SMIM36: variants seen among roughly 807,000 people sequenced by gnomAD.
SMIM36 encodes the protein small integral membrane protein 36.
At chr17:55,489,050 T>C (rs759257009) in intron 1 of SMIM36, among the ~76,000 whole-genome samples, 2 of 152,082 alleles carry the variant, frequency 1.3e-5, no homozygotes, top group African/African-American at 2.4e-5. Flanking sequence ...ACATGTACAA[T>C]AGGGAAACTG....
In SMIM36 at chr17:55,458,066, G is replaced by C. The variant is rs546959482; in HGVS notation, c.*532-7768C>G. ...TTTCTCCTTCCTACTTTACATTAAA[G>C]GGAGATGAATGCAATATATACTACT... On this transcript the variant is annotated intron_variant, in intron 4 of 4. Transcript: ENST00000636752. 2.6e-5 allele frequency among the ~76,000 whole-genome samples: 4 copies of C among 152,088 alleles called. No individual in the cohort carries two copies. The South Asian group carries it at 8.3e-4, about 32-fold the overall frequency.
the SMIM36 span, among the ~76,000 whole-genome samples, chr17:55,522,354 A>T: frequency 6.6e-6 from 1 of 152,204 alleles, no homozygotes; most frequent in African/African-American, 2.4e-5. Flanking sequence ...AACCTCCTGT[A>T]TTAGTGTGTT....
At chr17:55,492,196 C>T (rs1392044792) in intron 1 of SMIM36, among the ~76,000 whole-genome samples, 2 of 150,062 alleles carry the variant, frequency 1.3e-5, no homozygotes, top group Admixed American at 6.6e-5. Context: ...AGAGAGCAAA[C>T]TCCTCTTGAT....
At chr17:55,491,095 A>G (rs1336513658) in intron 1 of SMIM36, among the ~76,000 whole-genome samples, 1 of 151,928 alleles carries the variant, frequency 6.6e-6, no homozygotes, top group African/African-American at 2.4e-5. Context: ...TCTCTACAAA[A>G]CATTAGCCTG....
chr17:55,460,326 G>C (rs1473745388), intron 4 of SMIM36, among the ~76,000 whole-genome samples: 1 of 152,050 alleles, frequency 6.6e-6, no homozygotes. Flanking sequence ...TACTTGGGAG[G>C]CTGAGGCAGG....
chr17:55,453,311 G>GTAAATAAATAAA (rs1010533696), intron 4 of SMIM36, among the ~76,000 whole-genome samples: 1 of 151,980 alleles, frequency 6.6e-6, no homozygotes, highest in African/African-American at 2.4e-5. Context: ...AAATAAGTAA[G>GTAAATAAATAAA]TAAATAAATA....
At chr17:55,459,777 G>A (rs769189052) in intron 4 of SMIM36, among the ~76,000 whole-genome samples, 3 of 151,648 alleles carry the variant, frequency 2.0e-5, no homozygotes, top group African/African-American at 4.8e-5. Flanking sequence ...CAGGAGGCGC[G>A]CTTGAGCCCA....
intron 1 of SMIM36, among the ~76,000 whole-genome samples, chr17:55,500,580 T>G (rs1279259432): frequency 6.6e-6 from 1 of 151,316 alleles, no homozygotes. Context: ...CTCAATGCCG[T>G]CTATTCCAAC....
chr17:55,461,245 G>A (rs2143240387), intron 4 of SMIM36, among the ~76,000 whole-genome samples: 1 of 152,234 alleles, frequency 6.6e-6, no homozygotes, highest in East Asian at 1.9e-4. Context: ...CTCCCCCAAA[G>A]CATTGTCCTA....
rs1909905919 is a variant in SMIM36, at chr17:55,500,841, ATATATTATATTAT to A, written c.*174+10025_*174+10037del. On this transcript the variant is annotated intron_variant, in intron 1 of 4. Coordinates refer to ENST00000636752, the Ensembl canonical transcript of SMIM36. ...ATTATATTTTATAATATATATTATA[ATATATTATATTAT>A]AATATATTATAATATATTATATTTT... Among the ~76,000 whole-genome samples, 2 of 28,720 alleles carry A rather than the reference ATATATTATATTAT, an allele frequency of 7.0e-5. 1 individual carries two copies. Among genetic ancestry groups the A allele is most frequent in the Admixed American group, 1.3e-3 (2 of 1,512 alleles). 18.8% of individuals were successfully genotyped at this position (28,720 alleles called of 152,430 possible). A position where few individuals can be genotyped will look rare whatever the true frequency, so the allele number is the denominator to read the frequency against.
At chr17:55,488,432 T>G (rs1909644412) in intron 1 of SMIM36, among the ~76,000 whole-genome samples, 1 of 152,222 alleles carries the variant, frequency 6.6e-6, no homozygotes, top group African/African-American at 2.4e-5. Context: ...AAGAACATTT[T>G]TACAATTTCC....
In SMIM36 at chr17:55,511,392, C is replaced by G. The variant is rs966574823; in HGVS notation, c.-58G>C. 8 of 397,664 alleles carry G rather than the reference C, an allele frequency of 2.0e-5. No homozygotes were observed. Among genetic ancestry groups the G allele is most frequent in the Non-Finnish European group, 3.5e-5 (8 of 226,010 alleles). 24.6% of individuals were successfully genotyped at this position (397,664 alleles called of 1,614,324 possible). A position where few individuals can be genotyped will look rare whatever the true frequency, so the allele number is the denominator to read the frequency against. On this transcript the variant is annotated 5_prime_UTR_variant, in exon 1 of 5. It removes an upstream start codon present in the reference 5' UTR. Coordinates refer to ENST00000636752, the Ensembl canonical transcript of SMIM36. ...GAAAGGCAATTGGGGTCAGTTTGGG[C>G]ATTGCAGAGAGCAGATCTTAGAGCA...
chr17:55,472,023 T>G (rs976797250), intron 3 of SMIM36, among the ~76,000 whole-genome samples: 3 of 152,354 alleles, frequency 2.0e-5, no homozygotes, highest in Middle Eastern at 3.4e-3. Context: ...ATTCACTTTT[T>G]GTTGAAACTC....
At chr17:55,485,538 C>T (rs1300870046) in intron 1 of SMIM36, among the ~76,000 whole-genome samples, 1 of 151,896 alleles carries the variant, frequency 6.6e-6, no homozygotes, top group African/African-American at 2.4e-5. Context: ...TTCCCCCCAC[C>T]TCGGCCTCTC....
intron 4 of SMIM36, among the ~76,000 whole-genome samples, chr17:55,453,311 G>GTAAA (rs1010533696): frequency 8.5e-5 from 13 of 152,098 alleles, no homozygotes; most frequent in East Asian, 3.9e-4. Flanking sequence ...AAATAAGTAA[G>GTAAA]TAAATAAATA....
intron 1 of SMIM36, among the ~76,000 whole-genome samples, chr17:55,509,401 A>G (rs994045616): frequency 2.6e-5 from 4 of 152,354 alleles, no homozygotes; most frequent in African/African-American, 7.2e-5. Context: ...CTGGAAAAAT[A>G]ACTACTTATC....
chr17:55,494,681 A>AACAC (rs200446563), intron 1 of SMIM36, among the ~76,000 whole-genome samples: 1 of 152,016 alleles, frequency 6.6e-6, no homozygotes, highest in Admixed American at 6.6e-5. Flanking sequence ...ATTTTGTTTG[A>AACAC]ACACACACAC....
At chr17:55,526,131 CTAT>C in the SMIM36 span, among the ~76,000 whole-genome samples, 2 of 151,732 alleles carry the variant, frequency 1.3e-5, no homozygotes, top group African/African-American at 2.4e-5. Context: ...AGCAATACTA[CTAT>C]TATTATTATT....
chr17:55,491,950 T>A (rs879944428), intron 1 of SMIM36, among the ~76,000 whole-genome samples: 2 of 151,962 alleles, frequency 1.3e-5, no homozygotes, highest in East Asian at 3.9e-4. Context: ...ACGAGGTCAG[T>A]AGATCGAGAC....
Sources: allele counts gnomAD v4.1 joint callset (sites outside exome capture counted in the v4.1 genomes callset), GRCh38; gene constraint gnomAD v4.1.1; transcripts MANE v1.5; gene names NCBI Gene and HGNC (gene_info 2026-07-23, HGNC 2026-07-21).